GLG1: variants seen among roughly 807,000 people sequenced by gnomAD.
The protein encoded by GLG1 is golgi glycoprotein 1.
In GLG1, 38 loss-of-function variants were observed where a neutral mutation model predicts 160.5. The ratio of observed to expected loss-of-function variants is 0.24; its 90% CI spans 0.18 to 0.31. GLG1 has a LOEUF of 0.31. GLG1 is among the 10% of genes least tolerant of loss of function. The probability of loss-of-function intolerance (pLI) is 1.00; values close to 1 mark genes in which losing one functional copy is unlikely to be tolerated. For missense variants in GLG1, 1,373 were observed against 1,505.2 expected, an observed-to-expected ratio of 0.91 and a Z score of 1.45; for synonymous variants, 644 against 543.4, an observed-to-expected ratio of 1.19 and a Z score of -2.57.
chr16:74,450,316 C>G lies in GLG1; in HGVS notation c.*2851G>C, dbSNP rs1374437221. 6.6e-6 allele frequency: 1 copy of G among 152,236 alleles called. No individual in the cohort carries two copies. Among genetic ancestry groups the G allele is most frequent in the Non-Finnish European group, 1.5e-5 (1 of 68,078 alleles). 9.4% of individuals were successfully genotyped at this position (152,236 alleles called of 1,614,324 possible). A position where few individuals can be genotyped will look rare whatever the true frequency, so the allele number is the denominator to read the frequency against. On this transcript the variant is annotated 3_prime_UTR_variant, in exon 26 of 26. Transcript: ENST00000422840. ...TCAGCCAGTTGACTGACCTATAAGG[C>G]CAGGAACCAGGGGTGCCCCAGGCCC...
intron 1 of GLG1, among the ~76,000 whole-genome samples, chr16:74,604,276 T>C (rs1233220065): frequency 6.6e-6 from 1 of 152,194 alleles, no homozygotes; most frequent in Non-Finnish European, 1.5e-5. Flanking sequence ...AGTACTACAG[T>C]GAATCCACAT....
At chr16:74,537,625 C>T (rs2017722728) in intron 1 of GLG1, among the ~76,000 whole-genome samples, 1 of 143,800 alleles carries the variant, frequency 7.0e-6, no homozygotes, top group Non-Finnish European at 1.5e-5. Context: ...AAAAGATCCA[C>T]GAGACAAGAA....
At position 74,526,364 on chromosome 16, in the gene GLG1, C is replaced by T. The variant is rs866071456; in HGVS notation, c.471+5757G>A. 8.2e-5 allele frequency among the ~76,000 whole-genome samples: 12 copies of T among 145,568 alleles called. No individual in the cohort carries two copies. In the Middle Eastern group the frequency reaches 0.01, roughly 124 times the overall value. On this transcript the variant is annotated intron_variant, in intron 2 of 25. Transcript: ENST00000422840. ...GTAATTCTTTTCCTTAGAACTTTGG[C>T]ACTTAGAAAAAACTGATGTGGAAAG...
chr16:74,548,715 G>T (rs190464038), intron 1 of GLG1, among the ~76,000 whole-genome samples: 1 of 152,046 alleles, frequency 6.6e-6, no homozygotes, highest in Non-Finnish European at 1.5e-5. Flanking sequence ...ACCAAACAGG[G>T]CCAGGTACAG....
At chr16:74,530,542 G>T (rs1489147102) in intron 2 of GLG1, among the ~76,000 whole-genome samples, 1 of 152,062 alleles carries the variant, frequency 6.6e-6, no homozygotes, top group Admixed American at 6.5e-5. Context: ...ACAGGTAGTA[G>T]ACTGGATTTG....
intron 19 of GLG1, among the ~76,000 whole-genome samples, chr16:74,464,415 T>A (rs376594155): frequency 6.6e-6 from 1 of 152,224 alleles, no homozygotes; most frequent in Non-Finnish European, 1.5e-5. Context: ...CCTGTACACT[T>A]ACTGCTGTCC....
chr16:74,543,141 G>C (rs1282200716), intron 1 of GLG1, among the ~76,000 whole-genome samples: 2 of 152,036 alleles, frequency 1.3e-5, no homozygotes, highest in African/African-American at 4.8e-5. Context: ...AACTCTTTCT[G>C]TATAACCCAG....
In GLG1 at chr16:74,480,370, C is replaced by A. The variant is rs745618212; in HGVS notation, c.1698G>T (p.Lys566Asn). 3 of 1,613,532 alleles carry A rather than the reference C, an allele frequency of 1.9e-6. No individual in the cohort carries two copies. In the South Asian group the frequency reaches 3.3e-5, roughly 18 times the overall value. The change falls in exon 11 of 26, where the codon AAG becomes AAT. Residue 566 changes from lysine to asparagine, a missense_variant. Around this residue, in one of 4 missense-constraint regions of GLG1, gnomAD observed 386 missense variants for 388.5 expected, o/e 0.99. Transcript: ENST00000422840. ...AAAGACGAGAAGCGTCTCCCTGGCA[C>A]TTGCGGTACAGGACAGGGTCCAGCC... ...DWKLDPVLYR[K>N]CQGDASRLCH...
intron 1 of GLG1, among the ~76,000 whole-genome samples, chr16:74,587,605 A>G (rs1958081963): frequency 6.6e-6 from 1 of 152,256 alleles, no homozygotes; most frequent in Non-Finnish European, 1.5e-5. Flanking sequence ...ACGGTGGCTC[A>G]CGCCTGTAAT....
At chr16:74,482,906 G>A in intron 10 of GLG1, 117 bp downstream of exon 10, 1 of 696,612 alleles carries the variant, frequency 1.4e-6, no homozygotes, top group East Asian at 2.6e-5. Context: ...TGTGTTAGCT[G>A]TCCCAGAACT....
chr16:74,574,168 A>C (rs866334303), intron 1 of GLG1, among the ~76,000 whole-genome samples: 3 of 152,240 alleles, frequency 2.0e-5, no homozygotes, highest in African/African-American at 7.2e-5. Context: ...CCTTTGGTGA[A>C]GATGAAGTGG....
chr16:74,462,028 A>T (rs940672131), intron 22 of GLG1, 66 bp downstream of exon 22: 1 of 811,000 alleles, frequency 1.2e-6, no homozygotes, highest in Non-Finnish European at 2.1e-6. Flanking sequence ...AAAGTAAACA[A>T]CTTTTCTCCA....
At chr16:74,546,316 G>T (rs1232154328) in intron 1 of GLG1, among the ~76,000 whole-genome samples, 1 of 152,132 alleles carries the variant, frequency 6.6e-6, no homozygotes, top group Non-Finnish European at 1.5e-5. Flanking sequence ...GCATGTGCCT[G>T]TAGTCCCAGC....
chr16:74,573,089 G>T (rs1225565686), intron 1 of GLG1, among the ~76,000 whole-genome samples: 1 of 152,150 alleles, frequency 6.6e-6, no homozygotes, highest in Admixed American at 6.6e-5. Context: ...AGAGTAGATA[G>T]TAGGAAAAAC....
chr16:74,480,569 T>G (rs2015562951), intron 10 of GLG1, among the ~76,000 whole-genome samples, 175 bp from the exon 11 acceptor site: 1 of 152,090 alleles, frequency 6.6e-6, no homozygotes, highest in African/African-American at 2.4e-5. Flanking sequence ...TGTTTTTTTT[T>G]TTTGACACAG....
At chr16:74,496,253 G>A (rs1458699385) in intron 5 of GLG1, among the ~76,000 whole-genome samples, 188 bp downstream of exon 5, 1 of 151,982 alleles carries the variant, frequency 6.6e-6, no homozygotes, top group East Asian at 1.9e-4. Flanking sequence ...GGGCACCACA[G>A]CAAGATCCTG....
At chr16:74,586,119 T>C (rs971089763) in intron 1 of GLG1, among the ~76,000 whole-genome samples, 5 of 148,336 alleles carry the variant, frequency 3.4e-5, no homozygotes, top group Non-Finnish European at 7.4e-5. Context: ...CTATGGTAAG[T>C]GAATTTCATC....
chr16:74,511,948 T>C (rs2016821670), intron 2 of GLG1, among the ~76,000 whole-genome samples: 1 of 152,092 alleles, frequency 6.6e-6, no homozygotes, highest in African/African-American at 2.4e-5. Context: ...TCATTTCAAA[T>C]TGATATATAA....
intron 1 of GLG1, among the ~76,000 whole-genome samples, chr16:74,598,875 CCA>C (rs982245181): frequency 6.6e-6 from 1 of 151,468 alleles, no homozygotes; most frequent in Non-Finnish European, 1.5e-5. Context: ...GAGCGAAACT[CCA>C]CCTCAAAACA....
Sources: gnomAD v4.1 joint callset for allele counts (sites outside exome capture counted in the v4.1 genomes callset) on GRCh38, gnomAD v4.1.1 for gene constraint, gnomAD v4.1.1 regional missense constraint, MANE v1.5 for transcripts, NCBI Gene and HGNC (gene_info 2026-07-23, HGNC 2026-07-21) for gene names.